KIF26B: variants seen among roughly 807,000 people sequenced by gnomAD.
KIF26B encodes kinesin family member 26B.
Under a neutral mutation model 151.2 loss-of-function variants are expected in KIF26B, and 63 were observed. That is an observed-to-expected ratio of 0.42 (90% CI 0.34 to 0.51). KIF26B has a LOEUF of 0.51. KIF26B is among the 20% of genes least tolerant of loss of function. The pLI is 0.07. For missense variants in KIF26B, 2,813 were observed against 2,913.6 expected (o/e 0.97, Z 0.79); for synonymous variants, 1,357 against 1,262.1 (o/e 1.08, Z -1.59).
At chr1:245,285,107 G>C (rs1397376814) in intron 2 of KIF26B, among the ~76,000 whole-genome samples, 1 of 152,214 alleles carries the variant, frequency 6.6e-6, no homozygotes, top group Non-Finnish European at 1.5e-5. Context: ...GAGTCAGTTA[G>C]GGTCTGCTGG....
intron 4 of KIF26B, among the ~76,000 whole-genome samples, chr1:245,532,467 G>C (rs34351065): frequency 7.3e-5 from 11 of 151,634 alleles, no homozygotes; most frequent in East Asian, 3.9e-4. Context: ...GGATGGTCTC[G>C]ATCTCCCGAC....
At chr1:245,171,207 A>G (rs1668700850) in intron 2 of KIF26B, among the ~76,000 whole-genome samples, 1 of 152,218 alleles carries the variant, frequency 6.6e-6, no homozygotes, top group Non-Finnish European at 1.5e-5. Flanking sequence ...TCTTCAGCAC[A>G]TTATATCTCT....
At chr1:245,515,086 T>C (rs1272551151) in intron 4 of KIF26B, among the ~76,000 whole-genome samples, 2 of 152,196 alleles carry the variant, frequency 1.3e-5, no homozygotes, top group Non-Finnish European at 2.9e-5. Context: ...GAGTCCCAGC[T>C]CTGTGCATAA....
rs756014215 is a variant in KIF26B, at chr1:245,609,493, G to A, written c.1879G>A (p.Val627Met). 36 of 1,589,644 alleles carry A rather than the reference G, an allele frequency of 2.3e-5. 1 individual carries two copies. The South Asian group carries it at 2.8e-4, about 12-fold the overall frequency. Residue 627 changes from valine to methionine, a missense_variant, in exon 8 of 15, where the codon GTG becomes ATG. This residue lies in a region of KIF26B where 2,060 missense variants were observed against 2,088.6 expected (regional missense o/e 0.99). Coordinates refer to ENST00000407071, the MANE Select transcript of KIF26B (RefSeq NM_018012.4). ...CCTGCAGGACGGCCAGTCCCCGGGC[G>A]TGTACCTCTGTGAGGACCCCATCTG... is the stretch of plus-strand genomic sequence containing the variant. The part of the protein sequence containing the change: ...GSLQDGQSPG[V>M]YLCEDPICGT...
Position 245,687,227 on chromosome 1 carries a change from A to G in KIF26B, c.4244A>G (p.Lys1415Arg). ...QEPEAPTATP[K>R]AGPTLAQSRE... Reference sequence around the variant, plus strand: ...CCGGAGGCCCCCACCGCCACCCCCAAAGCAGGCCCCACATTAGCCCAGTCC... The same window carrying G: ...CCGGAGGCCCCCACCGCCACCCCCAGAGCAGGCCCCACATTAGCCCAGTCC... Residue 1415 changes from lysine (K) to arginine (R), a missense_variant, in exon 12 of 15, where the codon AAA (lysine) becomes AGA (arginine). Lys to Arg is a conservative substitution (Grantham distance 26). Around this residue, in one of 3 missense-constraint regions of KIF26B, gnomAD observed 2,060 missense variants for 2,088.6 expected, o/e 0.99. Transcript: ENST00000407071. This position sits in a 1 kb window ranked among gnomAD's most constrained non-coding sequence, Gnocchi z 4.9. The G allele has an allele frequency of 1.2e-6, 2 of 1,612,926 alleles. No homozygotes were observed. Among genetic ancestry groups the G allele is most frequent in the African/African-American group, 1.3e-5 (1 of 74,988 alleles).
At chr1:245,656,629 G>A (rs2044077786) in intron 10 of KIF26B, among the ~76,000 whole-genome samples, 1 of 152,226 alleles carries the variant, frequency 6.6e-6, no homozygotes, top group Non-Finnish European at 1.5e-5. Flanking sequence ...ATTCAAGGAT[G>A]GCTTGATTTA....
intron 2 of KIF26B, chr1:245,206,628 G>C (rs908531087): frequency 7.2e-5 from 11 of 152,106 alleles, no homozygotes; most frequent in African/African-American, 2.7e-4. Context: ...AAGGAGGCCG[G>C]GAGAATACTG....
intron 3 of KIF26B, among the ~76,000 whole-genome samples, chr1:245,417,593 A>C (rs1409848673): frequency 6.6e-6 from 1 of 152,212 alleles, no homozygotes; most frequent in Non-Finnish European, 1.5e-5. Flanking sequence ...CTGATTCTTT[A>C]AAATTAGGAG....
rs10802218 is a variant in KIF26B, at chr1:245,516,883, A to G, written c.1167-23884A>G. Among the ~76,000 whole-genome samples the G allele has an allele frequency of 1, 151,680 of 152,048 alleles. 75,659 individuals are homozygous for G. Among genetic ancestry groups the G allele is most frequent in the Non-Finnish European group, 1 (68,014 of 68,014 alleles). The stretch of plus-strand genomic sequence containing the variant: ...GGGACTAAAAGCTGGTGATTGGCGG[A>G]GTTTGGGGGTGGGGAGGGGGCGCTG... On this transcript the variant is annotated intron_variant, in intron 4 of 14. Coordinates refer to ENST00000407071, the MANE Select transcript of KIF26B (RefSeq NM_018012.4). The surrounding 1 kb of genome is among the most constrained non-coding windows in gnomAD (Gnocchi z 4.2).
intron 9 of KIF26B, among the ~76,000 whole-genome samples, chr1:245,630,345 A>G (rs572589953): frequency 9.2e-5 from 14 of 152,358 alleles, no homozygotes; most frequent in African/African-American, 2.9e-4. Flanking sequence ...ATGTCCATCA[A>G]TGATAGACTG....
Position 245,367,455 on chromosome 1 carries a change from C to G in KIF26B, c.999+88C>G. 5 of 1,231,206 alleles carry G rather than the reference C, an allele frequency of 4.1e-6. No homozygotes were observed. The highest frequency in any genetic ancestry group is 1.5e-5 in the South Asian group (1 of 67,500). The allele number at this position is 1,231,206 out of a possible 1,614,324, so 76.3% of individuals were successfully genotyped here. On this transcript the variant is annotated intron_variant, in intron 3 of 14. Coordinates refer to ENST00000407071, the MANE Select transcript of KIF26B (RefSeq NM_018012.4). This position sits in a 1 kb window ranked among gnomAD's most constrained non-coding sequence, Gnocchi z 4.2. ...AGCACTTCCTTCCGCTGCCTCCTCC[C>G]GGGAACCCTGTAACTCAGAGCCCAG...
chr1:245,261,819 G>A (rs1205431408), intron 2 of KIF26B, among the ~76,000 whole-genome samples: 1 of 151,738 alleles, frequency 6.6e-6, no homozygotes, highest in African/African-American at 2.4e-5. Flanking sequence ...CTGGGCTCAA[G>A]CAATCTACCC....
chr1:245,180,067 G>A (rs1323311538), intron 2 of KIF26B, among the ~76,000 whole-genome samples: 1 of 152,210 alleles, frequency 6.6e-6, no homozygotes, highest in African/African-American at 2.4e-5. Context: ...CAGCAGCAAG[G>A]GAATTTCGAA....
Position 245,419,758 on chromosome 1 carries a change from T to C in KIF26B, c.1166+13T>C. The C allele has an allele frequency of 6.3e-7, 1 of 1,598,206 alleles. No individual in the cohort carries two copies. The highest frequency in any genetic ancestry group is 8.5e-7 in the Non-Finnish European group (1 of 1,171,434). ...CCTTCTTTGCACGGTAAGAGAGCTGTTCAGATCCTTGGTTCTTTCCGATGA... is the reference window on the plus strand; with the variant it reads ...CCTTCTTTGCACGGTAAGAGAGCTGCTCAGATCCTTGGTTCTTTCCGATGA... On this transcript the variant is annotated intron_variant, in intron 4 of 14. Transcript: ENST00000407071.
intron 10 of KIF26B, among the ~76,000 whole-genome samples, chr1:245,653,968 T>C (rs1165622684): frequency 6.6e-6 from 1 of 151,902 alleles, no homozygotes; most frequent in Non-Finnish European, 1.5e-5. Context: ...GAGGCTGAGG[T>C]GGAAGGATCG....
At chr1:245,574,885 A>G (rs1288858453) in intron 5 of KIF26B, among the ~76,000 whole-genome samples, 1 of 118,546 alleles carries the variant, frequency 8.4e-6, no homozygotes, top group Non-Finnish European at 1.7e-5. Flanking sequence ...TTTTTTTGAG[A>G]CAGAGTCTTG....
At chr1:245,376,713 A>G (rs1007873773) in intron 3 of KIF26B, among the ~76,000 whole-genome samples, 1 of 151,848 alleles carries the variant, frequency 6.6e-6, no homozygotes, top group African/African-American at 2.4e-5. Flanking sequence ...TTTGAGACTG[A>G]GTCTTGCTCT....
chr1:245,589,586 A>T (rs1019056668), intron 5 of KIF26B, among the ~76,000 whole-genome samples: 3 of 152,176 alleles, frequency 2.0e-5, no homozygotes, highest in African/African-American at 7.2e-5. Context: ...TTATAAAGAA[A>T]ATGGACTTTG....
chr1:245,443,695 C>T (rs1157716776), intron 4 of KIF26B, among the ~76,000 whole-genome samples: 7 of 99,392 alleles, frequency 7.0e-5, no homozygotes, highest in African/African-American at 1.0e-4. Context: ...GTTCACCCTG[C>T]GGTCATCTCC....
Sources: gnomAD v4.1 joint callset for allele counts (sites outside exome capture counted in the v4.1 genomes callset) on GRCh38, gnomAD v4.1.1 for gene constraint, gnomAD v4.1.1 regional missense constraint, Gnocchi (gnomAD v3.1) non-coding constraint, MANE v1.5 for transcripts, NCBI Gene and HGNC (gene_info 2026-07-23, HGNC 2026-07-21) for gene names.